Variants in ARHGAP26 observed in about 807,000 individuals in gnomAD.
The protein encoded by ARHGAP26 is Rho GTPase activating protein 26, also known as rho GTPase-activating protein 26.
ARHGAP26 carries 38 observed loss-of-function variants against 104.8 expected under a neutral mutation model. That is an observed-to-expected ratio of 0.36 (90% CI 0.28 to 0.48). The LOEUF is 0.48. Among genes scored for constraint, ARHGAP26 ranks in the 20% least tolerant of loss-of-function variants. ARHGAP26 has a pLI of 0.99. For synonymous variants in ARHGAP26, 341 were observed against 340.0 expected, an observed-to-expected ratio of 1.00 and a Z score of -0.03; for missense variants, 704 against 947.9, an observed-to-expected ratio of 0.74 and a Z score of 3.38.
Position 143,223,224 on chromosome 5 carries a change from A to AT in ARHGAP26, c.*786dup. 4.3e-6 allele frequency: 1 copy of AT among 232,502 alleles called. No individual in the cohort carries two copies. Among genetic ancestry groups the AT allele is most frequent in the Non-Finnish European group, 8.5e-6 (1 of 117,474 alleles). 14.4% of individuals were successfully genotyped at this position (232,502 alleles called of 1,614,324 possible). On this transcript the variant is annotated 3_prime_UTR_variant, in exon 23 of 23. Transcript: ENST00000645722. ...ATAACACATCCTCTTTGCATGACAC[A>AT]TTTTTTTTCTCCCCTTTTTGGTACA...
At chr5:143,005,701 TGAACTAATG>T (rs1280405053) in intron 11 of ARHGAP26, among the ~76,000 whole-genome samples, 1 of 152,226 alleles carries the variant, frequency 6.6e-6, no homozygotes, top group African/African-American at 2.4e-5. Context: ...AGGCAATGCT[TGAACTAATG>T]GAAAAGAAAG....
At position 142,949,197 on chromosome 5, in the gene ARHGAP26, GA is replaced by G. The variant is rs575073229; in HGVS notation, c.1107+17073del. 8.1e-3 allele frequency among the ~76,000 whole-genome samples: 311 copies of G among 38,544 alleles called. 16 individuals carry two copies. The highest frequency in any genetic ancestry group is 0.043 in the African/African-American group (166 of 3,844). The allele number at this position is 38,544 out of a possible 152,430, so 25.3% of individuals were successfully genotyped here. ...AGAGAGAGAGAGAGAGAGAGAGAGAGAGAGAGAGAGAGAGAGAGAGAGAGGA... is the reference window on the plus strand; with the variant it reads ...AGAGAGAGAGAGAGAGAGAGAGAGAGGAGAGAGAGAGAGAGAGAGAGAGGA... On this transcript the variant is annotated intron_variant, in intron 11 of 22. Transcript: ENST00000645722.
rs113321021 is a variant in ARHGAP26 at position 143,083,742 on chromosome 5, A to G, written c.1538+25995A>G. Reference sequence around the variant, plus strand: ...TCAAACTCCTGAACTCAGGTGATCCATCCACCTCTGCCTCCCAAAATGCTG... The same window carrying G: ...TCAAACTCCTGAACTCAGGTGATCCGTCCACCTCTGCCTCCCAAAATGCTG... On this transcript the variant is annotated intron_variant, in intron 17 of 22. Coordinates refer to ENST00000645722, the MANE Select transcript of ARHGAP26 (RefSeq NM_001135608.3). Among the ~76,000 whole-genome samples the G allele has an allele frequency of 2.8e-3, 424 of 152,222 alleles. 4 individuals are homozygous for G. Among genetic ancestry groups the G allele is most frequent in the African/African-American group, 9.8e-3 (408 of 41,530 alleles).
At chr5:143,091,083 AT>A (rs1309064450) in intron 17 of ARHGAP26, among the ~76,000 whole-genome samples, 3 of 152,356 alleles carry the variant, frequency 2.0e-5, no homozygotes, top group African/African-American at 7.2e-5. Flanking sequence ...GAGTAATAGA[AT>A]AGATGAATGA....
chr5:143,064,234 G>T (rs1471997622), intron 17 of ARHGAP26, among the ~76,000 whole-genome samples: 1 of 151,854 alleles, frequency 6.6e-6, no homozygotes, highest in Non-Finnish European at 1.5e-5. Context: ...CTTGCTCCCG[G>T]CCTACTTCAT....
chr5:143,045,649 G>A (rs1784112502), intron 14 of ARHGAP26, among the ~76,000 whole-genome samples: 1 of 152,208 alleles, frequency 6.6e-6, no homozygotes, highest in Non-Finnish European at 1.5e-5. Context: ...TACTGTGTAA[G>A]ATTTGGTTTA....
chr5:142,901,881 A>G, intron 6 of ARHGAP26, 54 bp from the exon 7 acceptor site: 1 of 1,457,334 alleles, frequency 6.9e-7, no homozygotes, highest in Non-Finnish European at 9.6e-7. Flanking sequence ...ACAGCTACAT[A>G]ATACCTCTTT....
At chr5:143,056,316 CTTTT>C (rs10672936) in intron 16 of ARHGAP26, among the ~76,000 whole-genome samples, 4 of 80,070 alleles carry the variant, frequency 5.0e-5, no homozygotes, top group Non-Finnish European at 7.1e-5. Flanking sequence ...CTTCAGAAGT[CTTTT>C]TTTTTTTTTT....
At chr5:142,789,009 T>A (rs1759235960) in intron 1 of ARHGAP26, among the ~76,000 whole-genome samples, 1 of 152,254 alleles carries the variant, frequency 6.6e-6, no homozygotes, top group Non-Finnish European at 1.5e-5. Flanking sequence ...TAAAAAGTGC[T>A]GTTGTCAGAA....
chr5:142,899,941 G>A (rs1043922125), intron 6 of ARHGAP26, among the ~76,000 whole-genome samples: 4 of 152,302 alleles, frequency 2.6e-5, no homozygotes, highest in East Asian at 3.9e-4. Context: ...TAATTACCCC[G>A]AGCAAGAGAG....
Position 143,162,284 on chromosome 5 carries a change from T to TACACACACACACAC in ARHGAP26, c.1988+14918_1988+14931dup, listed in dbSNP as rs34577770. On this transcript the variant is annotated intron_variant, in intron 20 of 22. Transcript: ENST00000645722. ...GACACTCTACTCCCAAACACACACATACACACACACACACACACACACACA... is the reference window on the plus strand; with the variant it reads ...GACACTCTACTCCCAAACACACACATACACACACACACACACACACACACACACACACACACACA... Among the ~76,000 whole-genome samples, 141 of 147,436 alleles carry TACACACACACACAC rather than the reference T, an allele frequency of 9.6e-4. 3 individuals are homozygous for TACACACACACACAC. The highest frequency in any genetic ancestry group is 3.2e-3 in the African/African-American group (125 of 39,500).
chr5:143,080,012 A>T (rs1750738159), intron 17 of ARHGAP26, among the ~76,000 whole-genome samples: 2 of 152,136 alleles, frequency 1.3e-5, no homozygotes, highest in African/African-American at 4.8e-5. Context: ...CTACCTCTGG[A>T]TAGTGGGGGA....
chr5:143,184,708 G>A (rs556830556), intron 20 of ARHGAP26, among the ~76,000 whole-genome samples: 63 of 152,298 alleles, frequency 4.1e-4, no homozygotes, highest in African/African-American at 1.5e-3. Flanking sequence ...CTTTTGGAGG[G>A]ATGGTTTGAA....
chr5:142,903,613 A>G lies in ARHGAP26; in HGVS notation c.776A>G (p.Glu259Gly), dbSNP rs1350706368. The G allele has an allele frequency of 1.2e-6, 2 of 1,614,002 alleles. No homozygotes were observed. The highest frequency in any genetic ancestry group is 1.7e-5 in the Admixed American group (1 of 59,996). ...LMKKMKENPLEHKTISPYTME... is the reference protein window; with the variant it reads ...LMKKMKENPLGHKTISPYTME... ...AAAAAGATGAAGGAGAATCCCCTTG[A>G]GCACAAGACCATCAGTCCCTACACC... Residue 259 changes from glutamate (E) to glycine (G), a missense_variant, in exon 8 of 23, where the codon GAG becomes GGG. Physicochemically the swap from Glu to Gly is moderately conservative, Grantham distance 98. Around this residue, in one of 6 missense-constraint regions of ARHGAP26, gnomAD observed 287 missense variants for 438.8 expected, o/e 0.65. Transcript: ENST00000645722.
chr5:142,987,968 G>A (rs1775012965), intron 11 of ARHGAP26, among the ~76,000 whole-genome samples: 1 of 152,164 alleles, frequency 6.6e-6, no homozygotes, highest in Non-Finnish European at 1.5e-5. Context: ...TTTTGTATGT[G>A]TCTCTGCCAG....
chr5:142,877,982 C>T (rs1002000831), intron 3 of ARHGAP26, among the ~76,000 whole-genome samples: 2 of 152,226 alleles, frequency 1.3e-5, no homozygotes, highest in Non-Finnish European at 2.9e-5. Flanking sequence ...AAATTAACAC[C>T]GCAACACTCT....
At chr5:142,891,638 A>G (rs893840984) in intron 5 of ARHGAP26, among the ~76,000 whole-genome samples, 5 of 151,860 alleles carry the variant, frequency 3.3e-5, no homozygotes, top group African/African-American at 1.2e-4. Context: ...ATTTGGTATA[A>G]TGGAAGTAGG....
At chr5:143,040,097 T>C (rs1783232299) in intron 13 of ARHGAP26, among the ~76,000 whole-genome samples, 1 of 152,068 alleles carries the variant, frequency 6.6e-6, no homozygotes, top group Non-Finnish European at 1.5e-5. Flanking sequence ...TTGTGTAAAG[T>C]CCCGGGAAAG....
At chr5:143,183,203 A>G (rs1178862140) in intron 20 of ARHGAP26, among the ~76,000 whole-genome samples, 1 of 152,062 alleles carries the variant, frequency 6.6e-6, no homozygotes, top group Non-Finnish European at 1.5e-5. Context: ...TTTGCCAAAT[A>G]TTTACAGAGC....
Sources: allele counts gnomAD v4.1 joint callset (sites outside exome capture counted in the v4.1 genomes callset), GRCh38; gene constraint gnomAD v4.1.1; regional missense constraint gnomAD v4.1.1; transcripts MANE v1.5; gene names NCBI Gene and HGNC (gene_info 2026-07-23, HGNC 2026-07-21).